The following OTOGL variants were observed in gnomAD, a reference collection of about 807,000 sequenced individuals.
OTOGL encodes the protein otogelin like, also known as otogelin-like protein.
In OTOGL, 285 loss-of-function variants were observed where a neutral mutation model predicts 318.5. The observed-to-expected ratio is 0.89, with a 90% confidence interval of 0.81 to 0.99. OTOGL has a LOEUF of 0.99. Ranked by LOEUF, OTOGL falls within the 50% of genes least tolerant of loss-of-function variation. OTOGL has a pLI of 0.00. For missense variants in OTOGL, 2,899 were observed against 2,845.6 expected, an observed-to-expected ratio of 1.02 and a Z score of -0.43; for synonymous variants, 987 against 936.5, an observed-to-expected ratio of 1.05 and a Z score of -0.99.
chr12:80,320,139 C>G (rs978887802), intron 33 of OTOGL, among the ~76,000 whole-genome samples: 1 of 151,816 alleles, frequency 6.6e-6, no homozygotes, highest in Non-Finnish European at 1.5e-5. Flanking sequence ...TTGACATTTC[C>G]TTTTTTCCCC....
In OTOGL at chr12:80,355,612, A is replaced by T. The variant is rs6539501; in HGVS notation, c.5594-124A>T. 0.85 allele frequency: 580,501 copies of T among 684,462 alleles called. 246,589 individuals carry two copies. The highest frequency in any genetic ancestry group is 0.88 in the South Asian group (35,448 of 40,296). The allele number at this position is 684,462 out of a possible 1,614,324, so 42.4% of individuals were successfully genotyped here. ...GTGATGAAAGAGAAATCTGAGAAAA[A>T]CAATAGACTTGTGACACATCATTAT... On this transcript the variant is annotated intron_variant, in intron 46 of 58. Transcript: ENST00000547103.
chr12:80,112,323 GTT>G (rs1390589463), intron 1 of OTOGL, among the ~76,000 whole-genome samples: 2 of 152,172 alleles, frequency 1.3e-5, no homozygotes, highest in Non-Finnish European at 2.9e-5. Flanking sequence ...TCTTGTGCCA[GTT>G]TTCAAACAGA....
intron 1 of OTOGL, among the ~76,000 whole-genome samples, chr12:80,193,785 G>A (rs1013129095): frequency 6.6e-6 from 1 of 152,148 alleles, no homozygotes; most frequent in African/African-American, 2.4e-5. Context: ...AATGACAAGG[G>A]TTAAGGAAAG....
rs778122641 is a variant in OTOGL, at chr12:80,320,690, C to T, written c.4071C>T (p.Phe1357=). 1.2e-6 allele frequency: 2 copies of T among 1,601,062 alleles called. No individual in the cohort carries two copies. Among genetic ancestry groups the T allele is most frequent in the Non-Finnish European group, 1.7e-6 (2 of 1,173,414 alleles). ...DSEEFKHSSS[F]SIEEIQAAVP... is the part of the protein sequence containing the mutation. ...AAGAATTTAAACATTCAAGTAGCTT[C>T]AGCATAGAAGGTATGTTTCCTGAGA... Residue 1357 remains phenylalanine, a synonymous_variant, in exon 34 of 59, where the codon TTC becomes TTT. Coordinates refer to ENST00000547103, the MANE Select transcript of OTOGL (RefSeq NM_001378609.3).
intron 11 of OTOGL, among the ~76,000 whole-genome samples, chr12:80,251,313 A>C (rs935492669): frequency 2.8e-4 from 42 of 152,332 alleles, no homozygotes; most frequent in African/African-American, 9.4e-4. Context: ...ATCTGTTTTA[A>C]CAGGACTTAT....
At chr12:80,108,263 C>G (rs1869574781) in intron 1 of OTOGL, among the ~76,000 whole-genome samples, 1 of 151,912 alleles carries the variant, frequency 6.6e-6, no homozygotes, top group African/African-American at 2.4e-5. Context: ...TGGATTATGT[C>G]ATTTGAATTT....
intron 24 of OTOGL, among the ~76,000 whole-genome samples, chr12:80,275,923 C>A (rs1047156035): frequency 1.3e-5 from 2 of 149,564 alleles, no homozygotes; most frequent in African/African-American, 4.9e-5. Flanking sequence ...ATAGACTATG[C>A]TGTAAATATA....
At chr12:80,108,313 G>T (rs1401300518) in intron 1 of OTOGL, among the ~76,000 whole-genome samples, 4 of 151,834 alleles carry the variant, frequency 2.6e-5, no homozygotes, top group Admixed American at 2.6e-4. Context: ...TAATATAATT[G>T]TTATAATTAT....
intron 45 of OTOGL, 89 bp from the exon 46 acceptor site, chr12:80,353,236 T>G: frequency 1.8e-6 from 2 of 1,130,322 alleles, no homozygotes; most frequent in Non-Finnish European, 2.3e-6. Context: ...AAATATATTT[T>G]CTAAAAGAAA....
intron 4 of OTOGL, among the ~76,000 whole-genome samples, chr12:80,214,671 G>C (rs369150289): frequency 4.6e-5 from 7 of 151,964 alleles, no homozygotes; most frequent in African/African-American, 1.7e-4. Context: ...CAGTTCAGTT[G>C]GTATTTGTTG....
At position 80,179,872 on chromosome 12, in the gene OTOGL, C is replaced by T. The variant is rs558363746; in HGVS notation, c.-19-29541C>T. Among the ~76,000 whole-genome samples the T allele has an allele frequency of 1.2e-4, 19 of 152,288 alleles. 1 individual carries two copies. The South Asian group carries it at 3.3e-3, about 27-fold the overall frequency. On this transcript the variant is annotated intron_variant, in intron 1 of 58. Transcript: ENST00000547103. ...AAATATACAAACTCCTTTTGCTGTT[C>T]ACTCAGTTGTTCTCAAGGGGACCCA... is the stretch of plus-strand genomic sequence containing the variant.
At chr12:80,188,537 C>CAAAAAAAA (rs1188831194) in intron 1 of OTOGL, among the ~76,000 whole-genome samples, 1 of 144,788 alleles carries the variant, frequency 6.9e-6, no homozygotes, top group African/African-American at 2.6e-5. Context: ...GACTCTGTCT[C>CAAAAAAAA]AAAAAAAAAA....
chr12:80,181,732 C>T (rs1212919317), intron 1 of OTOGL, among the ~76,000 whole-genome samples: 1 of 152,018 alleles, frequency 6.6e-6, no homozygotes, highest in Non-Finnish European at 1.5e-5. Context: ...TGCAGCATGC[C>T]ACATGGTGAC....
chr12:80,127,411 G>A (rs547111425), intron 1 of OTOGL, among the ~76,000 whole-genome samples: 1 of 152,160 alleles, frequency 6.6e-6, no homozygotes, highest in Non-Finnish European at 1.5e-5. Flanking sequence ...CGAGAGATCC[G>A]CTGTTAGTCT....
At chr12:80,230,650 G>A (rs1879278505) in intron 8 of OTOGL, among the ~76,000 whole-genome samples, 1 of 152,132 alleles carries the variant, frequency 6.6e-6, no homozygotes, top group African/African-American at 2.4e-5. Context: ...GAAAAAGGGT[G>A]GTCTTCTTAT....
rs183050117 is a variant in OTOGL, at chr12:80,363,897, G to A, written c.6268-2677G>A. Among the ~76,000 whole-genome samples, 6 of 152,142 alleles carry A rather than the reference G, an allele frequency of 3.9e-5. No homozygotes were observed. The East Asian group carries it at 1.2e-3, about 29-fold the overall frequency. On this transcript the variant is annotated intron_variant, in intron 52 of 58. Transcript: ENST00000547103. ...CATACATTAACCTTGGTCTGGTTGT[G>A]ACCTTAGCTCTGTTTTTTATTTATT...
At chr12:80,372,549 G>T (rs1890940819) in intron 57 of OTOGL, among the ~76,000 whole-genome samples, 1 of 151,874 alleles carries the variant, frequency 6.6e-6, no homozygotes, top group African/African-American at 2.4e-5. Context: ...ATATAGTTTT[G>T]TACAATAAAT....
At chr12:80,283,677 C>G (rs1884399064) in intron 26 of OTOGL, among the ~76,000 whole-genome samples, 1 of 151,922 alleles carries the variant, frequency 6.6e-6, no homozygotes, top group African/African-American at 2.4e-5. Context: ...AGACCACAAG[C>G]TTAAACATGA....
chr12:80,159,351 A>G (rs186711843), intron 1 of OTOGL, among the ~76,000 whole-genome samples: 132 of 152,228 alleles, frequency 8.7e-4, no homozygotes, highest in African/African-American at 2.9e-3. Context: ...GCTTCATAGA[A>G]TCATTTAGGG....
Sources: allele counts gnomAD v4.1 joint callset (sites outside exome capture counted in the v4.1 genomes callset), GRCh38; gene constraint gnomAD v4.1.1; transcripts MANE v1.5; gene names NCBI Gene and HGNC (gene_info 2026-07-23, HGNC 2026-07-21).